RIN3: variants seen among roughly 807,000 people sequenced by gnomAD.
RIN3 encodes the protein Ras and Rab interactor 3, also known as RAB5 interacting protein 3.
Under a neutral mutation model 76.3 loss-of-function variants are expected in RIN3, and 54 were observed. The observed-to-expected ratio is 0.71, with a 90% CI of 0.57 to 0.89. The LOEUF (loss-of-function observed/expected upper bound fraction) is 0.89, where lower values mean the gene tolerates loss of function less well. RIN3 is among the 40% of genes least tolerant of loss of function. The pLI is 0.00. For synonymous variants in RIN3, 576 were observed against 564.0 expected (o/e 1.02, Z -0.30); for missense variants, 1,256 against 1,322.1 (o/e 0.95, Z 0.78).
intron 1 of RIN3, among the ~76,000 whole-genome samples, chr14:92,524,211 G>A (rs1376260402): frequency 1.3e-5 from 2 of 152,108 alleles, no homozygotes; most frequent in South Asian, 2.1e-4. Context: ...AAAACTAAAC[G>A]AAAATAAAGA....
intron 9 of RIN3, chr14:92,687,394 A>T (rs1427173963): frequency 6.5e-6 from 1 of 152,868 alleles, no homozygotes; most frequent in African/African-American, 2.4e-5. Flanking sequence ...GACTGCGCCC[A>T]GCCTCCTTCA....
chr14:92,623,014 T>A lies in RIN3; in HGVS notation c.440+7535T>A, dbSNP rs528355837. 6.6e-6 allele frequency among the ~76,000 whole-genome samples: 1 copy of A among 152,352 alleles called. No individual in the cohort carries two copies. The highest frequency in any genetic ancestry group is 1.9e-4 in the East Asian group (1 of 5,188). On this transcript the variant is annotated intron_variant, in intron 4 of 9. Coordinates refer to ENST00000216487, the MANE Select transcript of RIN3 (RefSeq NM_024832.5). This position sits in a 1 kb window ranked among gnomAD's most constrained non-coding sequence, Gnocchi z 4.9. The stretch of plus-strand genomic sequence containing the variant: ...TGTTACTAGCTGTCTCTATAAGTCT[T>A]TGGACTAGTCCACGAATGCAGGGCA...
intron 1 of RIN3, among the ~76,000 whole-genome samples, chr14:92,526,242 G>A (rs1416692196): frequency 6.6e-6 from 1 of 152,006 alleles, no homozygotes; most frequent in Non-Finnish European, 1.5e-5. Context: ...GATCACTTGA[G>A]CTCAGGAGTT....
chr14:92,658,091 C>G (rs1381903414), intron 6 of RIN3, among the ~76,000 whole-genome samples: 2 of 152,226 alleles, frequency 1.3e-5, no homozygotes, highest in Admixed American at 6.5e-5. Context: ...CCCTTGGTAT[C>G]AAGTAGACAT....
At chr14:92,606,986 T>A (rs1028351250) in intron 3 of RIN3, among the ~76,000 whole-genome samples, 2 of 152,176 alleles carry the variant, frequency 1.3e-5, no homozygotes, top group Non-Finnish European at 2.9e-5. Flanking sequence ...GTGGAAACTA[T>A]CCAAATGTCC....
rs1169146061 is a variant in RIN3 at position 92,513,965 on chromosome 14, G to C, written c.33G>C (p.Gly11=). 3.2e-6 allele frequency: 4 copies of C among 1,245,174 alleles called. No homozygotes were observed. Among genetic ancestry groups the C allele is most frequent in the Non-Finnish European group, 4.0e-6 (4 of 994,742 alleles). 77.1% of individuals were successfully genotyped at this position (1,245,174 alleles called of 1,614,324 possible). ...GACACGCCGGGGCGCCCGCGCGCGG[G>C]GACCCCACGGGGTAAGTCCGGGCGG... is the stretch of plus-strand genomic sequence containing the variant. MIRHAGAPAR[G]DPTGPVPVVG... is the part of the protein sequence containing the mutation. The change falls in exon 1 of 10, where the codon GGG becomes GGC. Residue 11 remains glycine (G), a synonymous_variant. Coordinates refer to ENST00000216487, the MANE Select transcript of RIN3 (RefSeq NM_024832.5).
chr14:92,664,380 T>TC (rs1566894692), intron 7 of RIN3, among the ~76,000 whole-genome samples: 1 of 142,708 alleles, frequency 7.0e-6, no homozygotes, highest in African/African-American at 2.6e-5. Context: ...TTTTTTTTTT[T>TC]TTTTTGAGAT....
intron 3 of RIN3, among the ~76,000 whole-genome samples, chr14:92,612,834 G>A (rs1885797652): frequency 6.6e-6 from 1 of 152,242 alleles, no homozygotes; most frequent in South Asian, 2.1e-4. Context: ...GTCTAGCGTC[G>A]TGTTGGGCCC....
At chr14:92,530,735 A>G (rs939501409) in intron 1 of RIN3, among the ~76,000 whole-genome samples, 2 of 151,640 alleles carry the variant, frequency 1.3e-5, no homozygotes, top group African/African-American at 4.8e-5. Flanking sequence ...CTTTATCCCA[A>G]GGTTCTGGGG....
At chr14:92,679,358 C>T (rs990335706) in intron 8 of RIN3, among the ~76,000 whole-genome samples, 43 of 152,324 alleles carry the variant, frequency 2.8e-4, no homozygotes, top group Admixed American at 2.1e-3. Context: ...ACCCACACCA[C>T]GCTGTGCACA....
chr14:92,519,449 AGGGT>A (rs929424654), intron 1 of RIN3, among the ~76,000 whole-genome samples: 6 of 152,092 alleles, frequency 3.9e-5, no homozygotes, highest in African/African-American at 1.4e-4. Flanking sequence ...TAGCCTCTCG[AGGGT>A]GGCTGGGCTG....
At position 92,688,161 on chromosome 14, in the gene RIN3, T is replaced by C; in HGVS notation, c.2867T>C (p.Phe956Ser). ...CTGCGCAGCGAGCCCAAGCGCGACTTCCACTTTGTCTACCGGCCCCTGGAC... is the reference window on the plus strand; with the variant it reads ...CTGCGCAGCGAGCCCAAGCGCGACTCCCACTTTGTCTACCGGCCCCTGGAC... ...YLLRSEPKRD[F>S]HFVYRPLDGG... Residue 956 changes from phenylalanine to serine, a missense_variant, in exon 10 of 10, where the codon TTC becomes TCC. Physicochemically the swap from Phe to Ser is radical, Grantham distance 155. Around this residue, in one of 3 missense-constraint regions of RIN3, gnomAD observed 218 missense variants for 174.5 expected, o/e 1.25. Transcript: ENST00000216487. The C allele has an allele frequency of 6.2e-7, 1 of 1,609,716 alleles. No homozygotes were observed. The highest frequency in any genetic ancestry group is 8.5e-7 in the Non-Finnish European group (1 of 1,178,784).
In RIN3 at chr14:92,666,039, C is replaced by T. The variant is rs1449412305; in HGVS notation, c.2335+6570C>T. 2.8e-5 allele frequency among the ~76,000 whole-genome samples: 4 copies of T among 144,934 alleles called. No individual in the cohort carries two copies. In the East Asian group the frequency reaches 7.9e-4, roughly 28 times the overall value. On this transcript the variant is annotated intron_variant, in intron 7 of 9. Coordinates refer to ENST00000216487, the MANE Select transcript of RIN3 (RefSeq NM_024832.5). ...CAGACTCCAGCCCGAGTCCCGCCTA[C>T]CTCCACCACTGACCTACTTCCTCCA...
Position 92,684,969 on chromosome 14 carries a change from A to C in RIN3, c.2468-18A>C. ...CGGAGGCGGTCCTGGCTCAGATTCC[A>C]CACCCTTGTCCACGCAGGTTCCTAC... On this transcript the variant is annotated intron_variant, in intron 8 of 9. Transcript: ENST00000216487. The C allele has an allele frequency of 1.3e-6, 2 of 1,599,366 alleles. No homozygotes were observed. The highest frequency in any genetic ancestry group is 2.2e-5 in the South Asian group (2 of 90,760).
At chr14:92,606,169 CA>C (rs1885520504) in intron 3 of RIN3, among the ~76,000 whole-genome samples, 1 of 145,450 alleles carries the variant, frequency 6.9e-6, no homozygotes. Context: ...AAAAAGAGGA[CA>C]AAAAGACAAA....
rs189289332 is a variant in RIN3 at position 92,561,141 on chromosome 14, A to G, written c.249+5186A>G. 2.6e-4 allele frequency among the ~76,000 whole-genome samples: 13 copies of G among 49,230 alleles called. 1 individual carries two copies. In the East Asian group the frequency reaches 7.7e-3, roughly 29 times the overall value. The allele number at this position is 49,230 out of a possible 152,430, so 32.3% of individuals were successfully genotyped here. ...TATTTATATATATTTATATTTATAT[A>G]TATTTTTATATATATATTTATATAT... is the stretch of plus-strand genomic sequence containing the variant. On this transcript the variant is annotated intron_variant, in intron 2 of 9. Coordinates refer to ENST00000216487, the MANE Select transcript of RIN3 (RefSeq NM_024832.5).
chr14:92,555,774 G>GAGAGGA lies in RIN3; in HGVS notation c.84_89dup (p.Glu28_Glu29dup), dbSNP rs376329535. On this transcript the variant is annotated inframe_insertion, in exon 2 of 10. Coordinates refer to ENST00000216487, the MANE Select transcript of RIN3 (RefSeq NM_024832.5). ...AGTCCGGTTCCAGTTGTTGGCAAAG[G>GAGAGGA]AGAGGAAGAGGAAGAGGAAGATGGC... 35 of 1,614,172 alleles carry GAGAGGA rather than the reference G, an allele frequency of 2.2e-5. No individual in the cohort carries two copies. Among genetic ancestry groups the GAGAGGA allele is most frequent in the Middle Eastern group, 1.7e-4 (1 of 6,060 alleles).
At chr14:92,540,220 G>A (rs1194520710) in intron 1 of RIN3, among the ~76,000 whole-genome samples, 7 of 152,216 alleles carry the variant, frequency 4.6e-5, no homozygotes, top group African/African-American at 1.2e-4. Context: ...TCCGAGGTCC[G>A]GAAGACCTGC....
intron 2 of RIN3, 110 bp downstream of exon 2, chr14:92,556,065 G>A (rs1299984779): frequency 4.7e-6 from 4 of 858,436 alleles, no homozygotes; most frequent in Non-Finnish European, 5.5e-6. Context: ...GCAGATGACT[G>A]CATGTTTATT....
Sources: gnomAD v4.1 joint callset for allele counts (sites outside exome capture counted in the v4.1 genomes callset) on GRCh38, gnomAD v4.1.1 for gene constraint, gnomAD v4.1.1 regional missense constraint, Gnocchi (gnomAD v3.1) non-coding constraint, MANE v1.5 for transcripts, NCBI Gene and HGNC (gene_info 2026-07-23, HGNC 2026-07-21) for gene names.